The following CLNK variants were observed in gnomAD, a reference collection of about 807,000 sequenced individuals.
The protein encoded by CLNK is cytokine-dependent hematopoietic cell linker.
A neutral mutation model predicts 68.6 loss-of-function variants in CLNK; 74 were observed. The ratio of observed to expected loss-of-function variants is 1.08; its 90% CI spans 0.89 to 1.31. CLNK has a LOEUF of 1.31. Ranked by LOEUF, CLNK falls within the 50% of genes most tolerant of loss-of-function variation. The pLI is 0.00. For synonymous variants in CLNK, 198 were observed against 172.2 expected (o/e 1.15, Z -1.17); for missense variants, 553 against 515.3 (o/e 1.07, Z -0.71).
intron 16 of CLNK, among the ~76,000 whole-genome samples, chr4:10,511,595 C>G (rs1012465807): frequency 6.6e-6 from 1 of 152,152 alleles, no homozygotes; most frequent in African/African-American, 2.4e-5. Flanking sequence ...TTCTAGGTAC[C>G]TTGTATTCCT....
the CLNK span, among the ~76,000 whole-genome samples, chr4:10,689,958 A>G: frequency 2.0e-5 from 3 of 151,824 alleles, no homozygotes; most frequent in Non-Finnish European, 4.4e-5. Flanking sequence ...CCTCCCCACA[A>G]TTAGCTGTGA....
intron 18 of CLNK, among the ~76,000 whole-genome samples, chr4:10,500,610 G>A (rs1716998458): frequency 6.6e-6 from 1 of 151,290 alleles, no homozygotes; most frequent in African/African-American, 2.4e-5. Context: ...AACCTGGGAG[G>A]AGGAGGTTGC....
intron 2 of CLNK, among the ~76,000 whole-genome samples, chr4:10,654,159 C>T (rs1577198964): frequency 6.6e-6 from 1 of 151,918 alleles, no homozygotes; most frequent in Middle Eastern, 3.4e-3. Flanking sequence ...AAATTACAGG[C>T]CATTCTCATT....
the CLNK span, among the ~76,000 whole-genome samples, chr4:10,728,020 C>T: frequency 7.2e-4 from 110 of 151,786 alleles, no homozygotes; most frequent in African/African-American, 2.5e-3. Context: ...AACAGTCTTA[C>T]GTTAAAAATA....
At chr4:10,523,298 GT>G (rs1265809004) in intron 14 of CLNK, among the ~76,000 whole-genome samples, 1 of 152,194 alleles carries the variant, frequency 6.6e-6, no homozygotes, top group Non-Finnish European at 1.5e-5. Context: ...TTGTGAGTCT[GT>G]GCTGCCTGGG....
intron 2 of CLNK, among the ~76,000 whole-genome samples, chr4:10,651,018 G>T (rs4582143): frequency 0.77 from 117,620 of 152,092 alleles, 45,807 homozygotes; most frequent in Non-Finnish European, 0.82. Flanking sequence ...TCACATCAGT[G>T]AGAATGGCGA....
chr4:10,667,563 A>G (rs1219878954), intron 2 of CLNK, among the ~76,000 whole-genome samples: 2 of 152,022 alleles, frequency 1.3e-5, no homozygotes, highest in African/African-American at 2.4e-5. Flanking sequence ...CTTCACACCC[A>G]TGGGTGGAAA....
rs752272011 is a variant in CLNK, at chr4:10,507,969, T to G, written c.974A>C (p.Lys325Thr). 2.5e-6 allele frequency: 4 copies of G among 1,606,948 alleles called. No individual in the cohort carries two copies. The African/African-American group carries it at 5.3e-5, about 21-fold the overall frequency. ...CGTAGAAGGCATTACCTTGTTCTCC[T>G]TCATGAATGCCTCTTCCACTGCCTG... ...SRQAVEEAFM[K>T]ENKDGSFLVR... Residue 325 changes from lysine to threonine, a missense_variant, in exon 17 of 19, where the codon AAG becomes ACG. Physicochemically the swap from Lys to Thr is moderately conservative, Grantham distance 78. Coordinates refer to ENST00000226951, the MANE Select transcript of CLNK (RefSeq NM_052964.4).
the CLNK span, among the ~76,000 whole-genome samples, chr4:10,699,266 C>CACACACACCACGTATGTGTGTGTAT: frequency 1.5e-5 from 1 of 66,014 alleles, no homozygotes; most frequent in African/African-American, 6.8e-5. Context: ...TGTGTGTATA[C>CACACACACCACGTATGTGTGTGTAT]ACACACACAC....
intron 2 of CLNK, among the ~76,000 whole-genome samples, chr4:10,655,263 C>T (rs1433194150): frequency 2.0e-5 from 3 of 150,956 alleles, no homozygotes; most frequent in African/African-American, 7.3e-5. Context: ...AACCCAACGT[C>T]ATAAAGATGT....
intron 3 of CLNK, among the ~76,000 whole-genome samples, chr4:10,595,073 C>G (rs1350656136): frequency 6.6e-6 from 1 of 152,116 alleles, no homozygotes; most frequent in Non-Finnish European, 1.5e-5. Context: ...AAGAGTGAAA[C>G]CCCGTCTCAA....
chr4:10,597,087 G>T (rs1446085440), intron 3 of CLNK, among the ~76,000 whole-genome samples: 1 of 152,236 alleles, frequency 6.6e-6, no homozygotes, highest in East Asian at 1.9e-4. Flanking sequence ...CATTCACTCT[G>T]CTTAGGATAA....
intron 13 of CLNK, among the ~76,000 whole-genome samples, chr4:10,527,600 C>G (rs1451844305): frequency 6.6e-6 from 1 of 152,174 alleles, no homozygotes; most frequent in Non-Finnish European, 1.5e-5. Context: ...TGCTTAGCAT[C>G]CTGCCATTTA....
the CLNK span, among the ~76,000 whole-genome samples, chr4:10,702,454 T>C: frequency 2.8e-3 from 432 of 152,264 alleles, 1 homozygote; most frequent in African/African-American, 9.8e-3. Context: ...TATTTAGGAC[T>C]GGAGCTACTT....
At chr4:10,516,635 G>A (rs924593165) in intron 15 of CLNK, among the ~76,000 whole-genome samples, 4 of 149,790 alleles carry the variant, frequency 2.7e-5, no homozygotes, top group Non-Finnish European at 5.9e-5. Context: ...TCACTGCAAC[G>A]TCTGCCTCCT....
At chr4:10,729,308 T>G in the CLNK span, among the ~76,000 whole-genome samples, 2 of 152,200 alleles carry the variant, frequency 1.3e-5, no homozygotes, top group African/African-American at 4.8e-5. Context: ...TCTTATATAC[T>G]GTTAGTAGCA....
intron 4 of CLNK, among the ~76,000 whole-genome samples, chr4:10,577,556 A>G (rs1254808901): frequency 6.6e-6 from 1 of 152,162 alleles, no homozygotes; most frequent in Admixed American, 6.5e-5. Context: ...TCAAGTCAGA[A>G]TTTCCAGGAT....
intron 17 of CLNK, among the ~76,000 whole-genome samples, chr4:10,504,378 C>A (rs1560191434): frequency 6.6e-6 from 1 of 152,108 alleles, no homozygotes; most frequent in African/African-American, 2.4e-5. Context: ...CCTCGGGCTC[C>A]CAAAGTGCTG....
chr4:10,490,519 T>G lies in CLNK; in HGVS notation c.1235A>C (p.Gln412Pro). The G allele has an allele frequency of 6.2e-7, 1 of 1,612,496 alleles. No individual in the cohort carries two copies. The highest frequency in any genetic ancestry group is 8.5e-7 in the Non-Finnish European group (1 of 1,179,340). ...AGGGAGTGGCTGAGTGAGGTGACAC[T>G]GTTTCCTGTGGACCCCAGTTTTATC... is the stretch of plus-strand genomic sequence containing the variant. ...GKDKTGVHRKQCHLTQPLPLT... is the reference protein window; with the variant it reads ...GKDKTGVHRKPCHLTQPLPLT... The change falls in exon 19 of 19, where the codon CAG (glutamine) becomes CCG (proline). Residue 412 changes from glutamine (Q) to proline (P), a missense_variant. By Grantham distance (76) the Gln-to-Pro change is moderately conservative. Transcript: ENST00000226951.
Sources: gnomAD v4.1 joint callset for allele counts (sites outside exome capture counted in the v4.1 genomes callset) on GRCh38, gnomAD v4.1.1 for gene constraint, MANE v1.5 for transcripts, NCBI Gene and HGNC (gene_info 2026-07-23, HGNC 2026-07-21) for gene names.